Variants in BLM observed in about 807,000 individuals in gnomAD.
The protein encoded by BLM is BLM RecQ like helicase, also known as recQ-like DNA helicase BLM.
A neutral mutation model predicts 135.3 loss-of-function variants in BLM; 95 were observed. The observed-to-expected ratio is 0.70, with a 90% confidence interval of 0.59 to 0.83. BLM has a LOEUF of 0.83. Among genes scored for constraint, BLM ranks in the 40% least tolerant of loss-of-function variants. The pLI, the probability that BLM is intolerant of heterozygous loss-of-function variation, is 0.00. For missense variants in BLM, 1,518 were observed against 1,663.9 expected (o/e 0.91, Z 1.53); for synonymous variants, 520 against 589.2 (o/e 0.88, Z 1.70).
In BLM at chr15:90,760,724, A is replaced by G; in HGVS notation, c.1351A>G (p.Lys451Glu). 1 of 1,614,104 alleles carries G rather than the reference A, an allele frequency of 6.2e-7. No homozygotes were observed. The highest frequency in any genetic ancestry group is 1.1e-5 in the South Asian group (1 of 91,082). The change falls in exon 7 of 22, where the codon AAG becomes GAG. Residue 451 changes from lysine to glutamate, a missense_variant. Lys to Glu is a moderately conservative substitution (Grantham distance 56). Transcript: ENST00000355112. ...TTCCTGCCCTACAGGGAATTCTATG[A>G]AGGAGTTAAATTTTTCACACCTTCC... ...GDSCPTGNSM[K>E]ELNFSHLPSN...
At chr15:90,740,897 A>T (rs946732813) in intron 1 of BLM, among the ~76,000 whole-genome samples, 6 of 152,198 alleles carry the variant, frequency 3.9e-5, no homozygotes, top group Non-Finnish European at 7.4e-5. Flanking sequence ...GCCATGTGGA[A>T]CTGAGTCCAT....
intron 18 of BLM, 24 bp from the exon 19 acceptor site, chr15:90,804,143 A>G (rs749854654): frequency 7.5e-6 from 12 of 1,603,494 alleles, no homozygotes; most frequent in East Asian, 2.2e-5. Context: ...ACCCACTCCT[A>G]TGATTTGTTT....
At chr15:90,785,724 T>A (rs903430738) in intron 14 of BLM, among the ~76,000 whole-genome samples, 15 of 151,920 alleles carry the variant, frequency 9.9e-5, no homozygotes, top group Non-Finnish European at 2.1e-4. Flanking sequence ...TTGTATTTAA[T>A]ATTTTTAGTG....
chr15:90,753,421 T>A (rs1895739343), intron 4 of BLM, among the ~76,000 whole-genome samples: 1 of 152,222 alleles, frequency 6.6e-6, no homozygotes, highest in East Asian at 1.9e-4. Flanking sequence ...TCTAAATCAT[T>A]TTCCAATTGC....
chr15:90,749,645 C>T lies in BLM; in HGVS notation c.377C>T (p.Pro126Leu), dbSNP rs1060500650. Residue 126 changes from proline (P) to leucine (L), a missense_variant, in exon 3 of 22, where the codon CCA becomes CTA. Transcript: ENST00000355112. ...KEVVCTTQNT[P>L]TVKKSRDTAL... is the part of the protein sequence containing the mutation. ...GTTGTATGCACTACCCAAAACACACCAACTGTAAAGAAATCCCGGGATACT... is the reference window on the plus strand; with the variant it reads ...GTTGTATGCACTACCCAAAACACACTAACTGTAAAGAAATCCCGGGATACT... The T allele has an allele frequency of 1.5e-5, 24 of 1,613,980 alleles. No individual in the cohort carries two copies. Among genetic ancestry groups the T allele is most frequent in the Non-Finnish European group, 1.9e-5 (23 of 1,180,020 alleles).
intron 13 of BLM, among the ~76,000 whole-genome samples, chr15:90,783,184 A>G (rs896684854): frequency 6.6e-6 from 1 of 152,256 alleles, no homozygotes; most frequent in African/African-American, 2.4e-5. Context: ...TTTGGTTTCA[A>G]TGTCTTTCCT....
intron 1 of BLM, among the ~76,000 whole-genome samples, chr15:90,740,079 A>G (rs1200898425): frequency 6.6e-6 from 1 of 152,202 alleles, no homozygotes; most frequent in Non-Finnish European, 1.5e-5. Context: ...TGACAGGTCT[A>G]TTGAAATACA....
intron 1 of BLM, among the ~76,000 whole-genome samples, chr15:90,739,923 C>T (rs1213763417): frequency 6.6e-6 from 1 of 152,038 alleles, no homozygotes; most frequent in Non-Finnish European, 1.5e-5. Context: ...ACCATCATTC[C>T]TGGCTAATCT....
At chr15:90,742,920 G>A (rs879149829) in intron 1 of BLM, among the ~76,000 whole-genome samples, 1 of 151,488 alleles carries the variant, frequency 6.6e-6, no homozygotes, top group Admixed American at 6.6e-5. Context: ...ACAAGTGTGA[G>A]CCGCCGTGCC....
intron 1 of BLM, among the ~76,000 whole-genome samples, chr15:90,742,608 T>TC (rs1286237050): frequency 1.1e-3 from 168 of 151,144 alleles, no homozygotes; most frequent in African/African-American, 3.7e-3. Flanking sequence ...CTCTCTCTCT[T>TC]TTTTTTTTAA....
chr15:90,781,647 A>T (rs1485199218), intron 12 of BLM, among the ~76,000 whole-genome samples: 2 of 152,084 alleles, frequency 1.3e-5, no homozygotes, highest in Non-Finnish European at 2.9e-5. Flanking sequence ...TAATACACTA[A>T]CAGTAACAAT....
intron 9 of BLM, among the ~76,000 whole-genome samples, chr15:90,766,199 T>G (rs1331376522): frequency 2.6e-5 from 4 of 152,290 alleles, no homozygotes; most frequent in South Asian, 2.1e-4. Context: ...AAAGAATGTC[T>G]TAGTGCAGTG....
rs151215927 is a variant in BLM at position 90,720,670 on chromosome 15, C to G, written c.-5+3230C>G. Among the ~76,000 whole-genome samples the G allele has an allele frequency of 4.5e-3, 685 of 152,050 alleles. 4 individuals carry two copies. Among genetic ancestry groups the G allele is most frequent in the Admixed American group, 7.9e-3 (120 of 15,270 alleles). ...AGATAGGGCTCACTGCAGCTCCAGC[C>G]TCCCGGGCTCAAGTGATCCTCCCAC... On this transcript the variant is annotated intron_variant, in intron 1 of 21. Transcript: ENST00000355112.
At chr15:90,782,392 AAAAAC>A (rs1004553540) in intron 12 of BLM, among the ~76,000 whole-genome samples, 8 of 151,918 alleles carry the variant, frequency 5.3e-5, no homozygotes, top group African/African-American at 9.7e-5. Flanking sequence ...TGTCTCAAAA[AAAAAC>A]AAAACAAAAC....
At chr15:90,747,672 G>T in intron 2 of BLM, 182 bp downstream of exon 2, 2 of 585,960 alleles carry the variant, frequency 3.4e-6, no homozygotes, top group East Asian at 2.9e-5. Flanking sequence ...GTGAGATTGT[G>T]TCTCATCTTT....
At chr15:90,796,543 A>G (rs920762746) in intron 16 of BLM, among the ~76,000 whole-genome samples, 9 of 152,216 alleles carry the variant, frequency 5.9e-5, no homozygotes, top group South Asian at 2.1e-4. Flanking sequence ...CTGTGTTCCA[A>G]TAAAACTTTA....
Position 90,790,809 on chromosome 15 carries a change from A to T in BLM, c.2984A>T (p.Tyr995Phe), listed in dbSNP as rs779755994. 16 of 1,614,172 alleles carry T rather than the reference A, an allele frequency of 9.9e-6. No homozygotes were observed. The highest frequency in any genetic ancestry group is 1.4e-5 in the Non-Finnish European group (16 of 1,180,004). The change falls in exon 15 of 22, where the codon TAT becomes TTT. Residue 995 changes from tyrosine to phenylalanine, a missense_variant. By Grantham distance (22) the Tyr-to-Phe change is conservative. Around this residue, in one of 5 missense-constraint regions of BLM, gnomAD observed 626 missense variants for 681.1 expected, o/e 0.92. Transcript: ENST00000355112. ...TCTCACTGCCTGCTTTTCTATACCT[A>T]TCATGATGTGACCAGACTGAAAAGA... ...EISHCLLFYTYHDVTRLKRLI... is the reference protein window; with the variant it reads ...EISHCLLFYTFHDVTRLKRLI...
At chr15:90,727,188 A>T (rs1894941209) in intron 1 of BLM, among the ~76,000 whole-genome samples, 1 of 151,884 alleles carries the variant, frequency 6.6e-6, no homozygotes, top group African/African-American at 2.4e-5. Flanking sequence ...AATTTTTAAA[A>T]TTTTTTGTAG....
intron 18 of BLM, among the ~76,000 whole-genome samples, chr15:90,803,937 C>T (rs1897226132): frequency 6.6e-6 from 1 of 152,130 alleles, no homozygotes; most frequent in African/African-American, 2.4e-5. Flanking sequence ...GTTATCAGGT[C>T]ACTAAATCTT....
Sources: allele counts gnomAD v4.1 joint callset (sites outside exome capture counted in the v4.1 genomes callset), GRCh38; gene constraint gnomAD v4.1.1; regional missense constraint gnomAD v4.1.1; transcripts MANE v1.5; gene names NCBI Gene and HGNC (gene_info 2026-07-23, HGNC 2026-07-21).